The following GALNTL6 variants were observed in gnomAD, a reference collection of about 807,000 sequenced individuals.
GALNTL6 encodes polypeptide N-acetylgalactosaminyltransferase like 6.
A neutral mutation model predicts 73.7 loss-of-function variants in GALNTL6; 46 were observed. The observed-to-expected ratio is 0.62, with a 90% confidence interval of 0.49 to 0.80. The LOEUF is 0.80. Ranked by LOEUF, GALNTL6 falls within the 30% of genes least tolerant of loss-of-function variation. The pLI is 0.00. For missense variants in GALNTL6, 604 were observed against 755.0 expected (o/e 0.80, Z 2.34); for synonymous variants, 259 against 263.7 (o/e 0.98, Z 0.17).
At chr4:172,429,592 T>G (rs10006633) in intron 5 of GALNTL6, among the ~76,000 whole-genome samples, 24,081 of 152,206 alleles carry the variant, frequency 0.16, 2,037 homozygotes, top group Non-Finnish European at 0.19. Flanking sequence ...TCTAGGGTTT[T>G]ACTATTACAT....
chr4:172,785,471 G>A (rs757773441), intron 5 of GALNTL6, among the ~76,000 whole-genome samples: 2 of 151,954 alleles, frequency 1.3e-5, no homozygotes, highest in Non-Finnish European at 2.9e-5. Flanking sequence ...AATTAGGGAT[G>A]GTACACATTT....
chr4:172,256,841 T>C (rs1738096562), intron 3 of GALNTL6, among the ~76,000 whole-genome samples: 1 of 151,434 alleles, frequency 6.6e-6, no homozygotes, highest in Admixed American at 6.6e-5. Flanking sequence ...CACTAGAACA[T>C]ACTCTCTGTG....
intron 2 of GALNTL6, among the ~76,000 whole-genome samples, chr4:172,138,494 T>TATAC (rs1733702758): frequency 1.2e-4 from 1 of 8,492 alleles, no homozygotes; most frequent in Non-Finnish European, 3.6e-4. Flanking sequence ...TATATATATA[T>TATAC]ATATATATAT....
intron 2 of GALNTL6, among the ~76,000 whole-genome samples, chr4:171,900,385 A>G (rs1475406500): frequency 6.6e-6 from 1 of 151,936 alleles, no homozygotes. Context: ...TCGGCTCACT[A>G]CAACCTCTGC....
chr4:172,995,367 C>G (rs1751731757), intron 10 of GALNTL6, among the ~76,000 whole-genome samples: 1 of 152,166 alleles, frequency 6.6e-6, no homozygotes, highest in South Asian at 2.1e-4. Context: ...AGGTTTCTTC[C>G]CACAATCTGG....
intron 2 of GALNTL6, among the ~76,000 whole-genome samples, chr4:172,160,320 T>G (rs1176990463): frequency 6.6e-6 from 1 of 151,394 alleles, no homozygotes; most frequent in Non-Finnish European, 1.5e-5. Context: ...AGAAAATTGC[T>G]GAAAAGTCAT....
chr4:172,695,077 A>G (rs999359751), intron 5 of GALNTL6, among the ~76,000 whole-genome samples: 4 of 152,246 alleles, frequency 2.6e-5, no homozygotes, highest in South Asian at 2.1e-4. Flanking sequence ...CAAAAATTAA[A>G]TGATAGTATA....
chr4:171,849,193 G>A (rs756463009), intron 2 of GALNTL6, among the ~76,000 whole-genome samples: 10 of 152,066 alleles, frequency 6.6e-5, no homozygotes, highest in Non-Finnish European at 1.0e-4. Flanking sequence ...TCTTCCTTTC[G>A]CTTCAACACT....
chr4:172,174,280 A>C (rs1441962436), intron 2 of GALNTL6, among the ~76,000 whole-genome samples: 3 of 152,320 alleles, frequency 2.0e-5, no homozygotes, highest in African/African-American at 7.2e-5. Flanking sequence ...GAAAAAAAGA[A>C]GTGTTTATTC....
chr4:172,498,346 G>A lies in GALNTL6; in HGVS notation c.553+149657G>A, dbSNP rs568992056. Among the ~76,000 whole-genome samples, 15 of 152,166 alleles carry A rather than the reference G, an allele frequency of 9.9e-5. No homozygotes were observed. In the East Asian group the frequency reaches 2.9e-3, roughly 29 times the overall value. ...CTATATTAGTTAGAGTAAACTGCTT[G>A]TTTTAATGTTGTGTTGGCCTCCAAA... On this transcript the variant is annotated intron_variant, in intron 5 of 12. Transcript: ENST00000506823.
intron 7 of GALNTL6, among the ~76,000 whole-genome samples, chr4:172,868,612 C>G (rs1744775749): frequency 1.3e-5 from 2 of 152,146 alleles, no homozygotes; most frequent in Admixed American, 1.3e-4. Context: ...CTAGCTATTT[C>G]ACTGGTAGAA....
At chr4:172,293,894 A>C (rs1046004179) in intron 3 of GALNTL6, among the ~76,000 whole-genome samples, 1 of 151,160 alleles carries the variant, frequency 6.6e-6, no homozygotes, top group South Asian at 2.1e-4. Context: ...TTATACTTTA[A>C]GTTTTAGGGT....
chr4:172,831,761 G>A (rs1742652618), intron 7 of GALNTL6, among the ~76,000 whole-genome samples: 1 of 152,188 alleles, frequency 6.6e-6, no homozygotes, highest in Non-Finnish European at 1.5e-5. Context: ...AAGTGATGAA[G>A]TCATGAAGGT....
At chr4:172,260,155 A>G (rs1738209212) in intron 3 of GALNTL6, among the ~76,000 whole-genome samples, 1 of 151,552 alleles carries the variant, frequency 6.6e-6, no homozygotes, top group South Asian at 2.1e-4. Flanking sequence ...CTTTGACGAG[A>G]ATTGCATTGA....
chr4:172,381,217 A>C (rs1356737222), intron 5 of GALNTL6, among the ~76,000 whole-genome samples: 1 of 152,208 alleles, frequency 6.6e-6, no homozygotes, highest in Non-Finnish European at 1.5e-5. Context: ...ACAAATGATT[A>C]TTTCCTTTAA....
intron 5 of GALNTL6, among the ~76,000 whole-genome samples, chr4:172,606,326 T>G (rs1738259934): frequency 6.6e-6 from 1 of 151,342 alleles, no homozygotes; most frequent in Non-Finnish European, 1.5e-5. Flanking sequence ...TGGTGGCGCA[T>G]GCCTGTAATC....
chr4:172,167,656 T>A (rs1210738108), intron 2 of GALNTL6, among the ~76,000 whole-genome samples: 2 of 152,192 alleles, frequency 1.3e-5, no homozygotes, highest in East Asian at 3.9e-4. Context: ...TGACATAAAA[T>A]ATGAAATAAG....
At chr4:172,699,368 C>T (rs772698541) in intron 5 of GALNTL6, among the ~76,000 whole-genome samples, 7 of 152,068 alleles carry the variant, frequency 4.6e-5, no homozygotes, top group Non-Finnish European at 1.0e-4. Flanking sequence ...GCATGTGTAA[C>T]TAAACACAGA....
chr4:172,251,358 A>T (rs141582129), intron 3 of GALNTL6, among the ~76,000 whole-genome samples: 5 of 152,256 alleles, frequency 3.3e-5, no homozygotes, highest in African/African-American at 9.6e-5. Flanking sequence ...CATCGAAAGG[A>T]ACTCTTTCAC....
Sources: gnomAD v4.1 joint callset for allele counts (sites outside exome capture counted in the v4.1 genomes callset) on GRCh38, gnomAD v4.1.1 for gene constraint, MANE v1.5 for transcripts, NCBI Gene and HGNC (gene_info 2026-07-23, HGNC 2026-07-21) for gene names.